The following FKBP8 variants were observed in gnomAD, a reference collection of about 807,000 sequenced individuals.
FKBP8 encodes the protein FKBP prolyl isomerase 8, also known as peptidyl-prolyl cis-trans isomerase FKBP8.
Under a neutral mutation model 41.7 loss-of-function variants are expected in FKBP8, and 5 were observed. The ratio of observed to expected loss-of-function variants is 0.12; its 90% CI spans 0.06 to 0.25. The LOEUF is 0.25. Ranked by LOEUF, FKBP8 falls within the 10% of genes least tolerant of loss-of-function variation. The pLI is 1.00. For synonymous variants in FKBP8, 279 were observed against 254.5 expected, an observed-to-expected ratio of 1.10 and a Z score of -0.92; for missense variants, 397 against 563.0, an observed-to-expected ratio of 0.71 and a Z score of 2.98.
At chr19:18,534,476 C>T (rs1190859052) in intron 6 of FKBP8, among the ~76,000 whole-genome samples, 1 of 152,192 alleles carries the variant, frequency 6.6e-6, no homozygotes, top group Non-Finnish European at 1.5e-5. Flanking sequence ...CAACATGCTC[C>T]TCCTTCCTGT....
Position 18,537,431 on chromosome 19 carries a change from T to C in FKBP8, c.945+170A>G, listed in dbSNP as rs149614191. 1.1e-3 allele frequency among the ~76,000 whole-genome samples: 168 copies of C among 152,198 alleles called. No homozygotes were observed. Among genetic ancestry groups the C allele is most frequent in the African/African-American group, 4.0e-3 (165 of 41,534 alleles). ...TCAAATTCTGGCCTCAGCCAATGAATTGTTGTGACCAGGCCACACTCCTGC... is the reference window on the plus strand; with the variant it reads ...TCAAATTCTGGCCTCAGCCAATGAACTGTTGTGACCAGGCCACACTCCTGC... On this transcript the variant is annotated intron_variant, in intron 6 of 8. Transcript: ENST00000608443. The surrounding 1 kb of genome is among the most constrained non-coding windows in gnomAD (Gnocchi z 4.4).
chr19:18,539,312 C>A, intron 4 of FKBP8, 59 bp downstream of exon 4: 1 of 1,446,278 alleles, frequency 6.9e-7, no homozygotes, highest in Admixed American at 1.8e-5. Context: ...GAGGGGTACA[C>A]CCACTCCACC....
chr19:18,535,086 A>C (rs1460251249), intron 6 of FKBP8, among the ~76,000 whole-genome samples: 1 of 151,998 alleles, frequency 6.6e-6, no homozygotes, highest in African/African-American at 2.4e-5. Flanking sequence ...CTCCAGGCCT[A>C]CTTATTTATT....
intron 8 of FKBP8, 35 bp from the exon 9 acceptor site, chr19:18,532,290 G>A: frequency 1.3e-6 from 2 of 1,565,622 alleles, no homozygotes; most frequent in Non-Finnish European, 1.7e-6. Context: ...AAGGGTGGAG[G>A]GAGGTCAAGA....
Position 18,532,011 on chromosome 19 carries a change from C to G in FKBP8, c.*158G>C. The G allele has an allele frequency of 1.5e-6, 1 of 657,434 alleles. No individual in the cohort carries two copies. The highest frequency in any genetic ancestry group is 2.7e-6 in the Non-Finnish European group (1 of 368,688). 40.7% of individuals were successfully genotyped at this position (657,434 alleles called of 1,614,324 possible). A position where few individuals can be genotyped will look rare whatever the true frequency, so the allele number is the denominator to read the frequency against. On this transcript the variant is annotated 3_prime_UTR_variant, in exon 9 of 9. Transcript: ENST00000608443. ...GGCTTTCCTCCTAGAGGGCCTCAGT[C>G]CCTCCTGCTGGCTGGGCTGCACGAC... is the stretch of plus-strand genomic sequence containing the variant.
Position 18,539,536 on chromosome 19 carries a change from C to A in FKBP8, c.462+15G>T, listed in dbSNP as rs781668642. 1.2e-6 allele frequency: 2 copies of A among 1,612,376 alleles called. No homozygotes were observed. Among genetic ancestry groups the A allele is most frequent in the Non-Finnish European group, 1.7e-6 (2 of 1,179,708 alleles). On this transcript the variant is annotated intron_variant, in intron 3 of 8. Transcript: ENST00000608443. ...CACGCCCCTCGCCCCTGCCCTGTCCCGCCCCAGCCCGCACCTGGATGACGT... is the reference window on the plus strand; with the variant it reads ...CACGCCCCTCGCCCCTGCCCTGTCCAGCCCCAGCCCGCACCTGGATGACGT...
intron 6 of FKBP8, among the ~76,000 whole-genome samples, chr19:18,534,580 T>G (rs1446720230): frequency 4.0e-5 from 6 of 151,784 alleles, no homozygotes; most frequent in South Asian, 2.1e-4. Flanking sequence ...GGTTGTTGTT[T>G]TTTTTTTCTC....
intron 7 of FKBP8, chr19:18,533,068 G>A (rs991011170): frequency 3.0e-6 from 2 of 677,126 alleles, no homozygotes; most frequent in African/African-American, 1.8e-5. Flanking sequence ...AGTGCCCTCA[G>A]CTGCTGGAGG....
intron 6 of FKBP8, among the ~76,000 whole-genome samples, chr19:18,535,341 G>A (rs1248427652): frequency 2.0e-5 from 3 of 152,126 alleles, no homozygotes; most frequent in South Asian, 2.1e-4. Context: ...GATTACAGGC[G>A]TGAGGCACCA....
At position 18,537,687 on chromosome 19, in the gene FKBP8, C is replaced by T. The variant is rs778014771; in HGVS notation, c.859G>A (p.Asp287Asn). Reference protein sequence around the residue: ...NNLAASQLKLDHYRAALRSCS... With the variant: ...NNLAASQLKLNHYRAALRSCS... ...GAGCGCAGGGCTGCGCGGTAGTGGT[C>T]GAGCTTCAGCTGCGAGGCCGCCAGG... Residue 287 changes from aspartate (D) to asparagine (N), a missense_variant, in exon 6 of 9, where the codon GAC (aspartate) becomes AAC (asparagine). Around this residue, in one of 2 missense-constraint regions of FKBP8, gnomAD observed 225 missense variants for 366.8 expected, o/e 0.61. Coordinates refer to ENST00000608443, the MANE Select transcript of FKBP8 (RefSeq NM_012181.5). This position sits in a 1 kb window ranked among gnomAD's most constrained non-coding sequence, Gnocchi z 4.4. 17 of 1,613,832 alleles carry T rather than the reference C, an allele frequency of 1.1e-5. No homozygotes were observed. The highest frequency in any genetic ancestry group is 2.2e-5 in the East Asian group (1 of 44,886).
In FKBP8 at chr19:18,533,291, C is replaced by T. The variant is rs140572223; in HGVS notation, c.1002G>A (p.Leu334=). ...TCACCTTGTTGGAAGGTTCCAGCTT[C>T]AGGGCTGCCCTCAGGATGGGGATGG... The part of the protein sequence containing the change: ...SEAIPILRAA[L]KLEPSNKTIH... Residue 334 remains leucine (L), a synonymous_variant, in exon 7 of 9, where the codon CTG becomes CTA. Coordinates refer to ENST00000608443, the MANE Select transcript of FKBP8 (RefSeq NM_012181.5). 11 of 1,601,144 alleles carry T rather than the reference C, an allele frequency of 6.9e-6. No homozygotes were observed. The African/African-American group carries it at 1.2e-4, about 17-fold the overall frequency.
Position 18,538,472 on chromosome 19 carries a change from A to T in FKBP8, c.552-36T>A. 1.9e-6 allele frequency: 3 copies of T among 1,572,534 alleles called. No homozygotes were observed. Among genetic ancestry groups the T allele is most frequent in the South Asian group, 2.3e-5 (2 of 88,482 alleles). On this transcript the variant is annotated intron_variant, in intron 4 of 8. Coordinates refer to ENST00000608443, the MANE Select transcript of FKBP8 (RefSeq NM_012181.5). This position sits in a 1 kb window ranked among gnomAD's most constrained non-coding sequence, Gnocchi z 4.0. ...GGGAGCAGGCAGGGGCAGCACTCAG[A>T]CCTGGTGACCCCTAAACCCGCTGGG...
chr19:18,542,119 C>T (rs964217331), intron 1 of FKBP8, 124 bp from the exon 2 acceptor site: 24 of 1,391,760 alleles, frequency 1.7e-5, no homozygotes, highest in Non-Finnish European at 2.3e-5. Context: ...CCTCAGTTTC[C>T]TCATCTATAC....
At chr19:18,535,159 A>T (rs1339449141) in intron 6 of FKBP8, among the ~76,000 whole-genome samples, 1 of 152,038 alleles carries the variant, frequency 6.6e-6, no homozygotes, top group Non-Finnish European at 1.5e-5. Context: ...GGCTCAACCA[A>T]TCCACCTGCC....
chr19:18,533,943 A>C (rs1206406326), intron 6 of FKBP8, among the ~76,000 whole-genome samples: 2 of 122,438 alleles, frequency 1.6e-5, no homozygotes, highest in Admixed American at 8.5e-5. Flanking sequence ...CGGGAGGCGG[A>C]GCTTGCAGTG....
Position 18,534,301 on chromosome 19 carries a change from C to T in FKBP8, c.946-954G>A, listed in dbSNP as rs553325848. Among the ~76,000 whole-genome samples the T allele has an allele frequency of 4.6e-5, 7 of 152,238 alleles. No homozygotes were observed. In the East Asian group the frequency reaches 7.7e-4, roughly 17 times the overall value. On this transcript the variant is annotated intron_variant, in intron 6 of 8. Coordinates refer to ENST00000608443, the MANE Select transcript of FKBP8 (RefSeq NM_012181.5). ...CAGCCTGGGCGACAGAGCGAGACTCCGTCTCAAAAACAAACAAACAAACAA... is the reference window on the plus strand; with the variant it reads ...CAGCCTGGGCGACAGAGCGAGACTCTGTCTCAAAAACAAACAAACAAACAA...
chr19:18,538,596 C>A lies in FKBP8; in HGVS notation c.552-160G>T, dbSNP rs62135137. Among the ~76,000 whole-genome samples the A allele has an allele frequency of 1.3e-5, 2 of 152,120 alleles. No homozygotes were observed. Among genetic ancestry groups the A allele is most frequent in the Non-Finnish European group, 2.9e-5 (2 of 68,026 alleles). On this transcript the variant is annotated intron_variant, in intron 4 of 8. Coordinates refer to ENST00000608443, the MANE Select transcript of FKBP8 (RefSeq NM_012181.5). This position sits in a 1 kb window ranked among gnomAD's most constrained non-coding sequence, Gnocchi z 4.0. The stretch of plus-strand genomic sequence containing the variant: ...GTAAAGTGCAGGGGAAGTGACTTGC[C>A]GCCTTGGAGCTGCGGGACTTGACGA...
intron 4 of FKBP8, among the ~76,000 whole-genome samples, chr19:18,539,005 G>A (rs918957114): frequency 2.0e-5 from 3 of 151,774 alleles, no homozygotes; most frequent in Admixed American, 6.6e-5. Context: ...TAGTAGAGAC[G>A]GGGTTTCACC....
chr19:18,532,813 A>G lies in FKBP8; in HGVS notation c.1024-18T>C, dbSNP rs915484171. 2.5e-6 allele frequency: 4 copies of G among 1,612,706 alleles called. No homozygotes were observed. The highest frequency in any genetic ancestry group is 3.4e-6 in the Non-Finnish European group (4 of 1,179,706). ...TGGATCGTCTGCAGAAGGCAGGGGA[A>G]GCTGAGAACACGCAGCGGCCAACCT... is the stretch of plus-strand genomic sequence containing the variant. On this transcript the variant is annotated intron_variant, in intron 7 of 8. Coordinates refer to ENST00000608443, the MANE Select transcript of FKBP8 (RefSeq NM_012181.5).
Sources: allele counts gnomAD v4.1 joint callset (sites outside exome capture counted in the v4.1 genomes callset), GRCh38; gene constraint gnomAD v4.1.1; regional missense constraint gnomAD v4.1.1; non-coding constraint Gnocchi (gnomAD v3.1); transcripts MANE v1.5; gene names NCBI Gene and HGNC (gene_info 2026-07-23, HGNC 2026-07-21).